The following TNRC18 variants were observed in gnomAD, a reference collection of about 807,000 sequenced individuals.
The protein encoded by TNRC18 is trinucleotide repeat-containing gene 18 protein.
A neutral mutation model predicts 226.7 loss-of-function variants in TNRC18; 69 were observed. That is an observed-to-expected ratio of 0.30 (90% CI 0.25 to 0.37). The LOEUF (loss-of-function observed/expected upper bound fraction) is 0.37. Among genes scored for constraint, TNRC18 ranks in the 10% least tolerant of loss-of-function variants. TNRC18 has a pLI of 1.00. For synonymous variants in TNRC18, 2,449 were observed against 1,927.6 expected (o/e 1.27, Z -7.09); for missense variants, 4,754 against 4,256.6 (o/e 1.12, Z -3.25).
intron 5 of TNRC18, among the ~76,000 whole-genome samples, chr7:5,383,794 A>G (rs572349111): frequency 1.5e-4 from 22 of 151,272 alleles, no homozygotes; most frequent in Non-Finnish European, 2.8e-4. Flanking sequence ...CCAGCCCCCT[A>G]CTTTTTTGTT....
At chr7:5,398,182 T>A (rs1413086740) in intron 2 of TNRC18, among the ~76,000 whole-genome samples, 1 of 151,724 alleles carries the variant, frequency 6.6e-6, no homozygotes, top group Non-Finnish European at 1.5e-5. Flanking sequence ...AATTTTTTTT[T>A]TTTTGAGATG....
intron 2 of TNRC18, among the ~76,000 whole-genome samples, chr7:5,416,538 A>C (rs1194028340): frequency 6.6e-6 from 1 of 152,006 alleles, no homozygotes; most frequent in African/African-American, 2.4e-5. Context: ...TGGACAACAT[A>C]GGGAGACCCT....
chr7:5,385,957 T>G (rs1169092366), intron 5 of TNRC18, among the ~76,000 whole-genome samples: 1 of 113,946 alleles, frequency 8.8e-6, no homozygotes, highest in Non-Finnish European at 1.6e-5. Context: ...CACTCCAGCC[T>G]GGGCAACAGA....
Position 5,313,364 on chromosome 7 carries a change from G to A in TNRC18, c.7527C>T (p.Gly2509=). 6.4e-7 allele frequency: 1 copy of A among 1,572,844 alleles called. No individual in the cohort carries two copies. Among genetic ancestry groups the A allele is most frequent in the Non-Finnish European group, 8.6e-7 (1 of 1,160,532 alleles). ...LSLGSYPPAA[G]SSEPKAPWPK... is the part of the protein sequence containing the mutation. ...GCCAGGGTGCCTTGGGCTCGCTGCT[G>A]CCGGCCGCGGGGGGATAGCTGCCCA... Residue 2509 remains glycine (G), a synonymous_variant, in exon 27 of 30, where the codon GGC becomes GGT. Coordinates refer to ENST00000430969, the MANE Select transcript of TNRC18 (RefSeq NM_001080495.3).
chr7:5,352,018 C>T lies in TNRC18; in HGVS notation c.5271G>A (p.Thr1757=), dbSNP rs558303749. The part of the protein sequence containing the change: ...PAQGPSSSKL[T]PSLLCSMVAK... The stretch of plus-strand genomic sequence containing the variant: ...CCACCATGCTACACAGGAGGGAAGG[C>T]GTCAGTTTGGAGCTGGAGGGGCCTT... The change falls in exon 17 of 30, where the codon ACG becomes ACA. Residue 1757 remains threonine, a synonymous_variant. Coordinates refer to ENST00000430969, the MANE Select transcript of TNRC18 (RefSeq NM_001080495.3). 1.1e-5 allele frequency: 18 copies of T among 1,613,942 alleles called. No homozygotes were observed. The highest frequency in any genetic ancestry group is 8.8e-5 in the South Asian group (8 of 91,070).
In TNRC18 at chr7:5,357,035, C is replaced by T. The variant is rs1792497187; in HGVS notation, c.5075G>A (p.Arg1692Lys). 1 of 1,552,202 alleles carries T rather than the reference C, an allele frequency of 6.4e-7. No homozygotes were observed. The highest frequency in any genetic ancestry group is 8.7e-7 in the Non-Finnish European group (1 of 1,147,152). Residue 1692 changes from arginine (R) to lysine (K), a missense_variant, in exon 16 of 30, where the codon AGA (arginine) becomes AAA (lysine). Coordinates refer to ENST00000430969, the MANE Select transcript of TNRC18 (RefSeq NM_001080495.3). ...GGCTGCCCTTTTGTGTTTACCTTCT[C>T]TGGAGGATTTCAGAGACAGGCCGAG... Reference protein sequence around the residue: ...KGLGLSLKSSREGKHKRAAKT... With the variant: ...KGLGLSLKSSKEGKHKRAAKT...
Position 5,356,928 on chromosome 7 carries a change from T to A in TNRC18, c.5182A>T (p.Ser1728Cys). The A allele has an allele frequency of 1.3e-6, 2 of 1,546,406 alleles. No homozygotes were observed. Among genetic ancestry groups the A allele is most frequent in the African/African-American group, 2.7e-5 (2 of 72,964 alleles). The change falls in exon 16 of 30, where the codon AGC becomes TGC. Residue 1728 changes from serine (S) to cysteine (C), a missense_variant. Physicochemically the swap from Ser to Cys is moderately radical, Grantham distance 112. Transcript: ENST00000430969. ...AHSPFASEVS[S>C]YSYNTDSEED... ...ATACGCTACTTACTGTAAGAGTAGC[T>A]GCTCACTTCCGAGGCAAACGGGGAA...
Position 5,353,799 on chromosome 7 carries a change from G to A in TNRC18, c.5195-1705C>T, listed in dbSNP as rs538879928. 6.3e-4 allele frequency among the ~76,000 whole-genome samples: 96 copies of A among 152,250 alleles called. 1 individual carries two copies. The highest frequency in any genetic ancestry group is 2.1e-3 in the African/African-American group (89 of 41,542). Reference sequence around the variant, plus strand: ...GAGCCAGGTGAATCCCACAGCCACCGTCCTGCTGGAGCCAGGCCCACTGAA... The same window carrying A: ...GAGCCAGGTGAATCCCACAGCCACCATCCTGCTGGAGCCAGGCCCACTGAA... On this transcript the variant is annotated intron_variant, in intron 16 of 29. Coordinates refer to ENST00000430969, the MANE Select transcript of TNRC18 (RefSeq NM_001080495.3).
intron 27 of TNRC18, among the ~76,000 whole-genome samples, chr7:5,311,176 G>A (rs564631758): frequency 6.6e-6 from 1 of 151,516 alleles, no homozygotes; most frequent in Admixed American, 6.6e-5. Flanking sequence ...GCATTCATGT[G>A]TACATGTGCA....
chr7:5,321,039 C>A (rs372270684), intron 22 of TNRC18, 34 bp downstream of exon 22: 2 of 1,458,758 alleles, frequency 1.4e-6, no homozygotes, highest in Non-Finnish European at 1.9e-6. Flanking sequence ...GTATGGGACA[C>A]GGGGCTCTGT....
Position 5,390,840 on chromosome 7 carries a change from T to A in TNRC18, c.344-212A>T, listed in dbSNP as rs115273972. 0.17 allele frequency among the ~76,000 whole-genome samples: 26,191 copies of A among 151,420 alleles called. 3,731 individuals are homozygous for A. Among genetic ancestry groups the A allele is most frequent in the African/African-American group, 0.39 (15,994 of 41,184 alleles). ...AGGCAGCCCTCACGGGGGACTGGGG[T>A]CTCCAGTCCCCCCCAGAAAGAGGAT... On this transcript the variant is annotated intron_variant, in intron 3 of 29. Coordinates refer to ENST00000430969, the MANE Select transcript of TNRC18 (RefSeq NM_001080495.3).
chr7:5,349,377 A>G (rs563635404), intron 17 of TNRC18, among the ~76,000 whole-genome samples: 1 of 152,218 alleles, frequency 6.6e-6, no homozygotes, highest in East Asian at 1.9e-4. Context: ...GGGGGAAAAA[A>G]GTCCCATCAA....
At chr7:5,364,462 A>AACACACACACACACACACACACAC (rs58752853) in intron 11 of TNRC18, among the ~76,000 whole-genome samples, 3 of 116,636 alleles carry the variant, frequency 2.6e-5, no homozygotes, top group Non-Finnish European at 3.6e-5. Flanking sequence ...TCTCAAAGAA[A>AACACACACACACACACACACACAC]ACACACACAC....
intron 19 of TNRC18, among the ~76,000 whole-genome samples, chr7:5,329,328 A>T (rs1441652033): frequency 6.6e-6 from 1 of 151,888 alleles, no homozygotes; most frequent in Non-Finnish European, 1.5e-5. Context: ...ATAGAAAATA[A>T]AAGTAAAAGC....
chr7:5,336,007 G>C, intron 18 of TNRC18, among the ~76,000 whole-genome samples: 1 of 151,920 alleles, frequency 6.6e-6, no homozygotes, highest in Non-Finnish European at 1.5e-5. Flanking sequence ...AGGAGTTTGA[G>C]ACCAGCCTGG....
chr7:5,361,859 G>A (rs1793087033), intron 13 of TNRC18, 38 bp downstream of exon 13: 1 of 1,520,068 alleles, frequency 6.6e-7, no homozygotes, highest in South Asian at 1.2e-5. Context: ...GGTGGGCCGG[G>A]GCAGGGGCCC....
chr7:5,371,150 C>A lies in TNRC18; in HGVS notation c.3444G>T (p.Pro1148=). 6.2e-7 allele frequency: 1 copy of A among 1,609,494 alleles called. No individual in the cohort carries two copies. Among genetic ancestry groups the A allele is most frequent in the South Asian group, 1.1e-5 (1 of 90,880 alleles). The part of the protein sequence containing the change: ...SKITEPLREG[P]EEEPLAEREV... ...CCCGCTCAGCCAGCGGTTCTTCCTC[C>A]GGGCCCTCCCGCAGCGGCTCTGTGA... Residue 1148 remains proline, a synonymous_variant, in exon 11 of 30, where the codon CCG becomes CCT. Transcript: ENST00000430969.
chr7:5,367,278 T>C (rs1439873443), intron 11 of TNRC18, among the ~76,000 whole-genome samples: 1 of 151,662 alleles, frequency 6.6e-6, no homozygotes, highest in Non-Finnish European at 1.5e-5. Flanking sequence ...GGCAGGAGAA[T>C]CACCTGAACC....
intron 16 of TNRC18, among the ~76,000 whole-genome samples, chr7:5,355,074 CACCACTGACA>C (rs1792213883): frequency 1.3e-5 from 2 of 152,160 alleles, no homozygotes; most frequent in East Asian, 3.9e-4. Context: ...CCAGAACAAA[CACCACTGACA>C]CTGACATGGG....
Sources: gnomAD v4.1 joint callset for allele counts (sites outside exome capture counted in the v4.1 genomes callset) on GRCh38, gnomAD v4.1.1 for gene constraint, MANE v1.5 for transcripts, NCBI Gene and HGNC (gene_info 2026-07-23, HGNC 2026-07-21) for gene names.